The following FABP7 variants were observed in gnomAD, a reference collection of about 807,000 sequenced individuals.
The protein encoded by FABP7 is fatty acid binding protein 7.
A neutral mutation model predicts 14.2 loss-of-function variants in FABP7; 13 were observed. The observed-to-expected ratio is 0.91, with a 90% confidence interval of 0.59 to 1.45. The LOEUF (loss-of-function observed/expected upper bound fraction) is 1.45. FABP7 is among the 40% of genes most tolerant of loss of function. FABP7 has a pLI of 0.00. For synonymous variants in FABP7, 49 were observed against 51.4 expected (o/e 0.95, Z 0.20); for missense variants, 149 against 157.6 (o/e 0.95, Z 0.29).
At chr6:122,759,922 C>T in the FABP7 span, among the ~76,000 whole-genome samples, 1 of 151,950 alleles carries the variant, frequency 6.6e-6, no homozygotes, top group Non-Finnish European at 1.5e-5. Context: ...AGTTTGAGAC[C>T]AGCCTGGCCA....
At chr6:122,751,435 A>G in the FABP7 span, among the ~76,000 whole-genome samples, 3 of 152,034 alleles carry the variant, frequency 2.0e-5, no homozygotes, top group Non-Finnish European at 4.4e-5. Flanking sequence ...CTTGTCCTCA[A>G]TTTTCACCAT....
chr6:122,775,451 A>G (rs1298297289), upstream of FABP7, among the ~76,000 whole-genome samples: 1 of 152,134 alleles, frequency 6.6e-6, no homozygotes, highest in Non-Finnish European at 1.5e-5. Flanking sequence ...GAAAAACTGG[A>G]TAACCACATG....
the FABP7 span, among the ~76,000 whole-genome samples, chr6:122,753,949 A>G: frequency 3.9e-5 from 6 of 152,022 alleles, no homozygotes; most frequent in Non-Finnish European, 5.9e-5. Context: ...ACTCAGGATA[A>G]TTTGTTGCCA....
chr6:122,770,197 T>G, the FABP7 span, among the ~76,000 whole-genome samples: 1 of 152,158 alleles, frequency 6.6e-6, no homozygotes, highest in African/African-American at 2.4e-5. Context: ...TTTAATGTCC[T>G]CAGGCATGTT....
chr6:122,777,233 A>G (rs1287007631), upstream of FABP7, among the ~76,000 whole-genome samples: 1 of 152,222 alleles, frequency 6.6e-6, no homozygotes, highest in Non-Finnish European at 1.5e-5. Context: ...TTATTAGATG[A>G]AACATATAGC....
chr6:122,777,003 G>A (rs1276441100), upstream of FABP7, among the ~76,000 whole-genome samples: 4 of 152,194 alleles, frequency 2.6e-5, no homozygotes, highest in East Asian at 1.9e-4. Flanking sequence ...TATGCTCTAC[G>A]AATAAATATG....
chr6:122,783,350 T>C, intron 3 of FABP7: 5 of 985,024 alleles, frequency 5.1e-6, no homozygotes, highest in Non-Finnish European at 6.0e-6. Context: ...GGTTAAGAAT[T>C]GAAAACTGTT....
upstream of FABP7, among the ~76,000 whole-genome samples, chr6:122,779,097 C>T (rs1489063812): frequency 6.6e-6 from 1 of 152,096 alleles, no homozygotes; most frequent in African/African-American, 2.4e-5. Flanking sequence ...AATTAGTGTG[C>T]TTCCTCATTG....
At chr6:122,759,843 C>T in the FABP7 span, among the ~76,000 whole-genome samples, 8 of 151,924 alleles carry the variant, frequency 5.3e-5, no homozygotes, top group East Asian at 1.9e-4. Flanking sequence ...ATTTACAGGC[C>T]GGGCACAGTG....
chr6:122,772,761 T>G, the FABP7 span, among the ~76,000 whole-genome samples: 1 of 152,130 alleles, frequency 6.6e-6, no homozygotes, highest in Non-Finnish European at 1.5e-5. Context: ...AAGTTACATA[T>G]CACCAATAGA....
chr6:122,761,958 G>T, the FABP7 span, among the ~76,000 whole-genome samples: 3 of 152,032 alleles, frequency 2.0e-5, no homozygotes, highest in Non-Finnish European at 2.9e-5. Context: ...TTCTACCAGA[G>T]GTACAAAGAA....
chr6:122,780,059 TA>T (rs1224154172), intron 1 of FABP7, among the ~76,000 whole-genome samples, 192 bp downstream of exon 1: 1 of 152,220 alleles, frequency 6.6e-6, no homozygotes, highest in Non-Finnish European at 1.5e-5. Context: ...CCAGGGCCAA[TA>T]AAAACAGAAC....
intron 2 of FABP7, 150 bp downstream of exon 2, chr6:122,780,613 T>C (rs1177214024): frequency 2.5e-6 from 2 of 810,806 alleles, no homozygotes; most frequent in African/African-American, 1.7e-5. Context: ...TAGTTTAATG[T>C]GCATATGTTA....
chr6:122,771,019 C>T, the FABP7 span, among the ~76,000 whole-genome samples: 1 of 152,184 alleles, frequency 6.6e-6, no homozygotes, highest in Non-Finnish European at 1.5e-5. Context: ...AGACAGAATG[C>T]ACACAAGTCA....
At chr6:122,750,916 T>A in the FABP7 span, among the ~76,000 whole-genome samples, 1 of 152,356 alleles carries the variant, frequency 6.6e-6, no homozygotes, top group East Asian at 1.9e-4. Context: ...CTTGAGTTAC[T>A]CTGACTTTTT....
the FABP7 span, among the ~76,000 whole-genome samples, chr6:122,773,608 A>T: frequency 6.6e-6 from 1 of 152,258 alleles, no homozygotes; most frequent in Admixed American, 6.5e-5. Context: ...TTACTATTTT[A>T]TTCTTTGTAA....
upstream of FABP7, among the ~76,000 whole-genome samples, chr6:122,776,337 A>C (rs1780672516): frequency 6.6e-6 from 1 of 152,206 alleles, no homozygotes; most frequent in Non-Finnish European, 1.5e-5. Flanking sequence ...AATATTATTC[A>C]GCCATAAAAA....
At chr6:122,781,997 C>A in intron 3 of FABP7, 1 of 903,248 alleles carries the variant, frequency 1.1e-6, no homozygotes, top group Non-Finnish European at 1.3e-6. Context: ...CTCCCGCCTG[C>A]TGCCTCGGCC....
chr6:122,766,246 A>G, the FABP7 span, among the ~76,000 whole-genome samples: 2 of 152,078 alleles, frequency 1.3e-5, no homozygotes, highest in Non-Finnish European at 2.9e-5. Flanking sequence ...TGCTGCTTCA[A>G]GTGGTTTTTA....
Sources: allele counts gnomAD v4.1 joint callset (sites outside exome capture counted in the v4.1 genomes callset), GRCh38; gene constraint gnomAD v4.1.1; transcripts MANE v1.5; gene names NCBI Gene and HGNC (gene_info 2026-07-23, HGNC 2026-07-21).